CELF2: variants seen among roughly 807,000 people sequenced by gnomAD.
CELF2 encodes the protein CUG triplet repeat RNA-binding protein 2.
CELF2 carries 8 observed loss-of-function variants against 62.6 expected under a neutral mutation model. That is an observed-to-expected ratio of 0.13 (90% CI 0.07 to 0.23). The LOEUF is 0.23. Among genes scored for constraint, CELF2 ranks in the 10% least tolerant of loss-of-function variants. The pLI is 1.00. For missense variants in CELF2, 333 were observed against 671.0 expected (o/e 0.50, Z 5.56); for synonymous variants, 258 against 250.0 (o/e 1.03, Z -0.30).
rs961616128 is a variant in CELF2, at chr10:11,159,998, C to T, written c.75-5488C>T. Among the ~76,000 whole-genome samples, 31 of 152,180 alleles carry T rather than the reference C, an allele frequency of 2.0e-4. No homozygotes were observed. Among genetic ancestry groups the T allele is most frequent in the African/African-American group, 6.5e-4 (27 of 41,440 alleles). ...CCACTCAGCGGCCTGTCGGAGCCTC[C>T]AGGCTACTCTCCATAGTGTCAGTGA... On this transcript the variant is annotated intron_variant, in intron 1 of 12. Coordinates refer to ENST00000633077, the MANE Select transcript of CELF2 (RefSeq NM_001326342.2). The surrounding 1 kb of genome is among the most constrained non-coding windows in gnomAD (Gnocchi z 5.0).
At position 11,104,603 on chromosome 10, in the gene CELF2, G is replaced by A. The variant is rs560614170; in HGVS notation, c.75-60883G>A. 5.3e-5 allele frequency among the ~76,000 whole-genome samples: 8 copies of A among 152,022 alleles called. No individual in the cohort carries two copies. The East Asian group carries it at 5.8e-4, about 11-fold the overall frequency. On this transcript the variant is annotated intron_variant, in intron 1 of 12. Transcript: ENST00000633077. ...AGGCTGAGGTGGGAGGATGGATTGC[G>A]CCCAGGAGGCCGATACTGCCCTAAG...
chr10:11,005,184 A>G (rs2054970477), upstream of CELF2: 4 of 1,436,684 alleles, frequency 2.8e-6, no homozygotes, highest in Non-Finnish European at 3.6e-6. The surrounding 1 kb of genome is among the most constrained non-coding windows in gnomAD (Gnocchi z 4.3). Flanking sequence ...TACTTAGTGA[A>G]TCTGCAGGAG....
intron 1 of CELF2, among the ~76,000 whole-genome samples, chr10:11,079,404 T>C (rs2073228980): frequency 6.6e-6 from 1 of 152,234 alleles, no homozygotes; most frequent in South Asian, 2.1e-4. Flanking sequence ...GGTTTGGCTC[T>C]GTGTCCCCAC....
chr10:10,949,294 A>G (rs2048039398), intron 2 of CELF2, among the ~76,000 whole-genome samples: 1 of 152,008 alleles, frequency 6.6e-6, no homozygotes, highest in African/African-American at 2.4e-5. Flanking sequence ...GCAACGTATC[A>G]GTCCCCAAAC....
intron 1 of CELF2, among the ~76,000 whole-genome samples, chr10:11,082,974 A>G (rs1391046730): frequency 6.6e-6 from 1 of 152,228 alleles, no homozygotes; most frequent in African/African-American, 2.4e-5. Context: ...TCTAAGCTGA[A>G]TAAATAGATG....
At chr10:10,664,772 A>C in the CELF2 span, among the ~76,000 whole-genome samples, 1 of 152,198 alleles carries the variant, frequency 6.6e-6, no homozygotes, top group Non-Finnish European at 1.5e-5. Context: ...GTTTAGGGGA[A>C]TCTATCTTCG....
At chr10:10,951,113 C>G (rs1190370137) in intron 2 of CELF2, among the ~76,000 whole-genome samples, 5 of 152,206 alleles carry the variant, frequency 3.3e-5, no homozygotes, top group Non-Finnish European at 5.9e-5. Context: ...AGAACAAATT[C>G]TTCAAACCAC....
At chr10:10,530,832 A>G in the CELF2 span, among the ~76,000 whole-genome samples, 55 of 152,330 alleles carry the variant, frequency 3.6e-4, no homozygotes, top group Non-Finnish European at 7.2e-4. Flanking sequence ...TTCAGTGTCA[A>G]TTTGGTACTT....
rs1168441637 is a variant in CELF2 at position 11,319,080 on chromosome 10, C to T, written c.1097-2109C>T. ...TGCGAGGCACACCCAGAACCTCATG[C>T]CTTGAGATCCAAGCAGAGCGGCGAG... On this transcript the variant is annotated intron_variant, in intron 10 of 12. Transcript: ENST00000633077. This position sits in a 1 kb window ranked among gnomAD's most constrained non-coding sequence, Gnocchi z 4.4. 1 of 470,340 alleles carries T rather than the reference C, an allele frequency of 2.1e-6. No individual in the cohort carries two copies. Among genetic ancestry groups the T allele is most frequent in the Non-Finnish European group, 4.4e-6 (1 of 227,068 alleles). 29.1% of individuals were successfully genotyped at this position (470,340 alleles called of 1,614,324 possible). A position where few individuals can be genotyped will look rare whatever the true frequency, so the allele number is the denominator to read the frequency against.
the CELF2 span, among the ~76,000 whole-genome samples, chr10:10,657,267 G>C: frequency 6.6e-6 from 1 of 152,312 alleles, no homozygotes; most frequent in East Asian, 1.9e-4. Context: ...GGAGAAAAGG[G>C]ACAGTGAGAG....
Position 11,209,252 on chromosome 10 carries a change from A to G in CELF2, c.272-8173A>G, listed in dbSNP as rs574742441. 2.3e-3 allele frequency among the ~76,000 whole-genome samples: 355 copies of G among 152,276 alleles called. 3 individuals are homozygous for G. Among genetic ancestry groups the G allele is most frequent in the African/African-American group, 8.1e-3 (338 of 41,542 alleles). ...CTGGGCTTTAGACGGAGCTTGTGAA[A>G]TCGGTGGCCTCATTTGTTCACTTGT... On this transcript the variant is annotated intron_variant, in intron 2 of 12. Transcript: ENST00000633077.
At chr10:10,846,757 C>G (rs2059040878) in intron 1 of CELF2, among the ~76,000 whole-genome samples, 1 of 152,218 alleles carries the variant, frequency 6.6e-6, no homozygotes, top group Admixed American at 6.5e-5. Flanking sequence ...TGCAGCACAT[C>G]TGAATCTTGA....
the CELF2 span, among the ~76,000 whole-genome samples, chr10:10,521,835 CT>C: frequency 5.9e-5 from 9 of 152,296 alleles, no homozygotes; most frequent in African/African-American, 1.7e-4. Flanking sequence ...GTCTGTGCTA[CT>C]TTTTTAAAGC....
chr10:11,010,713 A>G lies in CELF2; in HGVS notation c.53+5273A>G, dbSNP rs1468401497. 6.6e-6 allele frequency among the ~76,000 whole-genome samples: 1 copy of G among 152,226 alleles called. No homozygotes were observed. The highest frequency in any genetic ancestry group is 1.5e-5 in the Non-Finnish European group (1 of 68,040). On this transcript the variant is annotated intron_variant, in intron 1 of 12. Transcript: ENST00000416382. This position sits in a 1 kb window ranked among gnomAD's most constrained non-coding sequence, Gnocchi z 4.1. ...ACAGTATAACTATTTAATAGTTGAC[A>G]TTTTAAAGACATTTCTTTCTCTGGT...
the CELF2 span, among the ~76,000 whole-genome samples, chr10:10,654,474 A>T: frequency 3.9e-4 from 44 of 113,306 alleles, 3 homozygotes; most frequent in Non-Finnish European, 2.7e-4. Context: ...CCTCAATAAA[A>T]TACTGGCAAA....
At chr10:10,710,975 C>G in the CELF2 span, among the ~76,000 whole-genome samples, 1 of 152,100 alleles carries the variant, frequency 6.6e-6, no homozygotes, top group Non-Finnish European at 1.5e-5. Flanking sequence ...TTTAGTTTTT[C>G]CTTTATTCTT....
At chr10:10,865,628 T>G (rs977168490) in intron 1 of CELF2, among the ~76,000 whole-genome samples, 1 of 152,198 alleles carries the variant, frequency 6.6e-6, no homozygotes, top group Non-Finnish European at 1.5e-5. Context: ...AGATTTGCTC[T>G]GCCTAGCAGG....
chr10:10,609,319 C>T, the CELF2 span, among the ~76,000 whole-genome samples: 1 of 152,194 alleles, frequency 6.6e-6, no homozygotes, highest in African/African-American at 2.4e-5. Context: ...GCTTATTTGG[C>T]ATCTGATAGC....
intron 1 of CELF2, among the ~76,000 whole-genome samples, chr10:10,824,245 C>T (rs1004882515): frequency 1.3e-5 from 2 of 152,174 alleles, no homozygotes; most frequent in Non-Finnish European, 2.9e-5. Context: ...AAATAATGAG[C>T]TGTGTTGTCT....
Sources: allele counts gnomAD v4.1 joint callset (sites outside exome capture counted in the v4.1 genomes callset), GRCh38; gene constraint gnomAD v4.1.1; non-coding constraint Gnocchi (gnomAD v3.1); transcripts MANE v1.5; gene names NCBI Gene and HGNC (gene_info 2026-07-23, HGNC 2026-07-21).